Variants in FOXP2 observed in about 807,000 individuals in gnomAD.
FOXP2 encodes forkhead box protein P2.
FOXP2 carries 12 observed loss-of-function variants against 115.8 expected under a neutral mutation model. The ratio of observed to expected loss-of-function variants is 0.10; its 90% CI spans 0.07 to 0.17. The LOEUF is 0.17. Ranked by LOEUF, FOXP2 falls within the 10% of genes least tolerant of loss-of-function variation. FOXP2 has a pLI of 1.00. For synonymous variants in FOXP2, 328 were observed against 297.7 expected, an observed-to-expected ratio of 1.10 and a Z score of -1.05; for missense variants, 629 against 843.5, an observed-to-expected ratio of 0.75 and a Z score of 3.15.
intron 2 of FOXP2, among the ~76,000 whole-genome samples, chr7:114,382,481 T>C (rs1469552693): frequency 2.0e-5 from 3 of 152,150 alleles, no homozygotes; most frequent in Admixed American, 2.0e-4. Context: ...TTTTAAAGTG[T>C]CCTTGTAGAC....
intron 1 of FOXP2, among the ~76,000 whole-genome samples, chr7:114,226,382 C>T (rs140799500): frequency 6.6e-5 from 10 of 152,234 alleles, no homozygotes; most frequent in South Asian, 4.1e-4. Context: ...GTATTGTCAT[C>T]GGTTGTTCTC....
In FOXP2 at chr7:114,693,085, C is replaced by T. The variant is rs900214386; in HGVS notation, c.*3159C>T. Reference sequence around the variant, plus strand: ...GTCTACAAAGACACAATTGCTTAAACCTAGTGGGCTTAAGGCTTATATTCT... The same window carrying T: ...GTCTACAAAGACACAATTGCTTAAATCTAGTGGGCTTAAGGCTTATATTCT... On this transcript the variant is annotated 3_prime_UTR_variant, in exon 17 of 17. Transcript: ENST00000350908. 2.2e-6 allele frequency: 1 copy of T among 453,874 alleles called. No individual in the cohort carries two copies. Among genetic ancestry groups the T allele is most frequent in the Non-Finnish European group, 4.4e-6 (1 of 226,674 alleles). The allele number at this position is 453,874 out of a possible 1,614,324, so 28.1% of individuals were successfully genotyped here.
At chr7:114,374,180 G>C (rs1308402719) in intron 2 of FOXP2, among the ~76,000 whole-genome samples, 1 of 152,110 alleles carries the variant, frequency 6.6e-6, no homozygotes, top group Non-Finnish European at 1.5e-5. Context: ...ACACTGTTAA[G>C]TAATATTTGT....
At chr7:114,606,432 A>C (rs879740842) in intron 3 of FOXP2, among the ~76,000 whole-genome samples, 1 of 152,054 alleles carries the variant, frequency 6.6e-6, no homozygotes, top group Non-Finnish European at 1.5e-5. Flanking sequence ...ACCTACAAAA[A>C]CTCTAAACAT....
chr7:114,555,529 G>T (rs986176086), intron 3 of FOXP2, among the ~76,000 whole-genome samples: 1 of 152,164 alleles, frequency 6.6e-6, no homozygotes, highest in African/African-American at 2.4e-5. Context: ...GGGCACAGTG[G>T]CTCATGCCTG....
At chr7:114,135,441 TTC>T (rs1224854174) in intron 1 of FOXP2, among the ~76,000 whole-genome samples, 1 of 152,186 alleles carries the variant, frequency 6.6e-6, no homozygotes, top group Non-Finnish European at 1.5e-5. Flanking sequence ...TGGTATGGAT[TTC>T]TTTCCTTTGT....
At chr7:114,279,882 A>G (rs1796284214) in intron 1 of FOXP2, among the ~76,000 whole-genome samples, 1 of 152,090 alleles carries the variant, frequency 6.6e-6, no homozygotes. Flanking sequence ...AATAAAATAA[A>G]TACATGAAGC....
chr7:114,130,197 C>T (rs1180033786), intron 1 of FOXP2, among the ~76,000 whole-genome samples: 2 of 152,096 alleles, frequency 1.3e-5, no homozygotes, highest in Non-Finnish European at 2.9e-5. Flanking sequence ...GTGGCATGTA[C>T]CTGTAGCCCC....
chr7:114,599,449 T>C (rs1802902888), intron 3 of FOXP2, among the ~76,000 whole-genome samples: 1 of 152,152 alleles, frequency 6.6e-6, no homozygotes, highest in Non-Finnish European at 1.5e-5. Context: ...AAGAATTCAC[T>C]GGTAAAGTCA....
At chr7:114,366,461 CT>C (rs1562888909) in intron 2 of FOXP2, 2 of 152,070 alleles carry the variant, frequency 1.3e-5, no homozygotes, top group African/African-American at 2.4e-5. Flanking sequence ...TGAATATTTT[CT>C]TTTCCTTTTT....
intron 16 of FOXP2, among the ~76,000 whole-genome samples, chr7:114,671,219 T>G (rs1051702095): frequency 7.2e-5 from 11 of 152,168 alleles, no homozygotes; most frequent in Admixed American, 3.9e-4. Context: ...GTGCTACAAG[T>G]GTGGATCAGT....
chr7:114,534,640 T>A lies in FOXP2; in HGVS notation c.192T>A (p.Leu64=). The A allele has an allele frequency of 6.2e-7, 1 of 1,612,042 alleles. No homozygotes were observed. The highest frequency in any genetic ancestry group is 8.5e-7 in the Non-Finnish European group (1 of 1,178,558). The change falls in exon 3 of 17, where the codon CTT becomes CTA. Residue 64 remains leucine (L), a synonymous_variant. Coordinates refer to ENST00000350908, the MANE Select transcript of FOXP2 (RefSeq NM_014491.4). The part of the protein sequence containing the change: ...QQQALQAARQ[L]LLQQQTSGLK... ...AGGCTCTCCAGGCAGCAAGACAACTTCTTTTACAGCAGCAAACAAGTGGAT... is the reference window on the plus strand; with the variant it reads ...AGGCTCTCCAGGCAGCAAGACAACTACTTTTACAGCAGCAAACAAGTGGAT...
chr7:114,638,051 G>A (rs1478549223), intron 6 of FOXP2, among the ~76,000 whole-genome samples: 1 of 152,128 alleles, frequency 6.6e-6, no homozygotes, highest in Admixed American at 6.5e-5. Context: ...TGGGGTTGAG[G>A]GAGGGGGCTG....
chr7:114,251,969 A>C (rs1207207962), intron 1 of FOXP2, among the ~76,000 whole-genome samples: 1 of 152,182 alleles, frequency 6.6e-6, no homozygotes, highest in African/African-American at 2.4e-5. Context: ...CATCCCATCA[A>C]TACCTAATTT....
chr7:114,165,799 C>A (rs1173486234), intron 1 of FOXP2, among the ~76,000 whole-genome samples: 1 of 152,154 alleles, frequency 6.6e-6, no homozygotes, highest in African/African-American at 2.4e-5. Flanking sequence ...AAGAGGCCCA[C>A]ATTAGCCAAC....
At chr7:114,620,272 C>T (rs886583677) in intron 3 of FOXP2, among the ~76,000 whole-genome samples, 1 of 152,018 alleles carries the variant, frequency 6.6e-6, no homozygotes, top group Admixed American at 6.6e-5. Flanking sequence ...ACAAATTTAC[C>T]TACAGACAGA....
At chr7:114,462,942 G>GT (rs1472417935) in intron 2 of FOXP2, 2 of 291,206 alleles carry the variant, frequency 6.9e-6, no homozygotes, top group African/African-American at 4.6e-5. Context: ...TATAGCAAAT[G>GT]ATACAAGAAT....
intron 1 of FOXP2, among the ~76,000 whole-genome samples, chr7:114,271,431 T>C (rs1796034050): frequency 6.9e-6 from 1 of 144,692 alleles, no homozygotes; most frequent in Non-Finnish European, 1.5e-5. Context: ...ATGTTCTTTA[T>C]CAAGTTAAGG....
At chr7:114,105,403 G>A (rs541586920) in intron 1 of FOXP2, among the ~76,000 whole-genome samples, 3 of 152,066 alleles carry the variant, frequency 2.0e-5, no homozygotes, top group South Asian at 4.1e-4. Flanking sequence ...GGGAATACAC[G>A]TTTTCCATAG....
Sources: allele counts gnomAD v4.1 joint callset (sites outside exome capture counted in the v4.1 genomes callset), GRCh38; gene constraint gnomAD v4.1.1; transcripts MANE v1.5; gene names NCBI Gene and HGNC (gene_info 2026-07-23, HGNC 2026-07-21).